SHANK2: variants seen among roughly 807,000 people sequenced by gnomAD.
The protein encoded by SHANK2 is SH3 and multiple ankyrin repeat domains 2, also known as SH3 and multiple ankyrin repeat domains protein 2.
Under a neutral mutation model 133.7 loss-of-function variants are expected in SHANK2, and 43 were observed. That is an observed-to-expected ratio of 0.32 (90% confidence interval 0.25 to 0.41). The LOEUF (loss-of-function observed/expected upper bound fraction) is 0.41. Among genes scored for constraint, SHANK2 ranks in the 10% least tolerant of loss-of-function variants. The pLI, the probability that SHANK2 is intolerant of heterozygous loss-of-function variation, is 1.00. For missense variants in SHANK2, 1,994 were observed against 2,235.8 expected (o/e 0.89, Z 2.18); for synonymous variants, 1,017 against 952.8 (o/e 1.07, Z -1.24).
Position 71,119,023 on chromosome 11 carries a change from G to GA in SHANK2, c.216dup (p.Arg73SerfsTer3), listed in dbSNP as rs1952034445. ...CACACTGTGGCATCCGGGTTAAATCGAATGCATTTCTGCCAGGAAGGACAA... is the reference window on the plus strand; with the variant it reads ...CACACTGTGGCATCCGGGTTAAATCGAAATGCATTTCTGCCAGGAAGGACAA... On this transcript the variant is annotated frameshift_variant, in exon 4 of 26. Transcript: ENST00000601538. LOFTEE classifies it high-confidence loss of function. 1 of 1,551,508 alleles carries GA rather than the reference G, an allele frequency of 6.4e-7. No individual in the cohort carries two copies. The highest frequency in any genetic ancestry group is 1.4e-5 in the African/African-American group (1 of 73,056).
In SHANK2 at chr11:70,709,209, TCAAAACAAAA is replaced by T. The variant is rs560025660; in HGVS notation, c.1778-10456_1778-10447del. ...CTGGGTGGCAGAGTGAGAACCTGTC[TCAAAACAAAA>T]CAAAACAAAACATACTAAGAATTCC... On this transcript the variant is annotated intron_variant, in intron 14 of 25. Transcript: ENST00000601538. Among the ~76,000 whole-genome samples, 13 of 152,136 alleles carry T rather than the reference TCAAAACAAAA, an allele frequency of 8.5e-5. No individual in the cohort carries two copies. The East Asian group carries it at 2.5e-3, about 29-fold the overall frequency.
Position 70,485,562 on chromosome 11 carries a change from G to C in SHANK2, c.4731C>G (p.Ile1577Met), listed in dbSNP as rs782112612. 6.2e-7 allele frequency: 1 copy of C among 1,613,280 alleles called. No homozygotes were observed. Among genetic ancestry groups the C allele is most frequent in the East Asian group, 2.2e-5 (1 of 44,878 alleles). Reference sequence around the variant, plus strand: ...GCGGGGGCGGGGGAGCGGGCGGGGGGATAACAAAGCTATCTACATCTTCTT... The same window carrying C: ...GCGGGGGCGGGGGAGCGGGCGGGGGCATAACAAAGCTATCTACATCTTCTT... ...LVEEDVDSFV[I>M]PPPAPPPPPG... The change falls in exon 25 of 26, where the codon ATC (isoleucine) becomes ATG (methionine). Residue 1577 changes from isoleucine (I) to methionine (M), a missense_variant. This residue lies in a region of SHANK2 where 797 missense variants were observed against 907.4 expected (regional missense o/e 0.88). Coordinates refer to ENST00000601538, the MANE Select transcript of SHANK2 (RefSeq NM_012309.5). This position sits in a 1 kb window ranked among gnomAD's most constrained non-coding sequence, Gnocchi z 5.8.
intron 17 of SHANK2, among the ~76,000 whole-genome samples, chr11:70,515,648 A>AAC (rs1335250059): frequency 1.3e-5 from 2 of 150,658 alleles, no homozygotes; most frequent in African/African-American, 2.4e-5. Context: ...AAAAAAAAAA[A>AAC]AAAAAAAAAA....
chr11:70,933,611 T>C (rs1018488838), intron 10 of SHANK2, among the ~76,000 whole-genome samples: 1 of 152,220 alleles, frequency 6.6e-6, no homozygotes, highest in Admixed American at 6.5e-5. Context: ...TATGTATTTA[T>C]TGTAATTTTT....
At chr11:70,685,152 G>A (rs1945116861) in intron 15 of SHANK2, among the ~76,000 whole-genome samples, 1 of 151,830 alleles carries the variant, frequency 6.6e-6, no homozygotes. Context: ...GAGGCTTGGC[G>A]AAAAAACCCC....
At chr11:70,682,355 C>T (rs1018763672) in intron 15 of SHANK2, among the ~76,000 whole-genome samples, 20 of 152,284 alleles carry the variant, frequency 1.3e-4, no homozygotes, top group Admixed American at 4.6e-4. Context: ...TGGCGGAGCC[C>T]GCTGTGCCCC....
intron 17 of SHANK2, among the ~76,000 whole-genome samples, chr11:70,504,344 C>A (rs929146686): frequency 6.6e-6 from 1 of 150,494 alleles, no homozygotes; most frequent in African/African-American, 2.5e-5. Flanking sequence ...TGTTGACAGG[C>A]CCAGTGCCTG....
chr11:70,602,074 T>C (rs904576272), intron 17 of SHANK2, among the ~76,000 whole-genome samples: 1 of 152,200 alleles, frequency 6.6e-6, no homozygotes, highest in African/African-American at 2.4e-5. Context: ...CTTGCAATAG[T>C]GAGTGAGTTC....
intron 3 of SHANK2, among the ~76,000 whole-genome samples, chr11:71,139,764 G>A (rs1160664673): frequency 6.6e-6 from 1 of 152,202 alleles, no homozygotes; most frequent in East Asian, 1.9e-4. Flanking sequence ...CGTGGCCCGG[G>A]AAGCCCACCC....
intron 11 of SHANK2, among the ~76,000 whole-genome samples, chr11:70,859,980 C>T (rs1361431669): frequency 2.6e-5 from 4 of 152,168 alleles, no homozygotes; most frequent in African/African-American, 9.7e-5. Flanking sequence ...TGGCAACAAC[C>T]CCACAGCGCC....
chr11:70,660,995 G>A (rs375001305), intron 16 of SHANK2, among the ~76,000 whole-genome samples: 2 of 152,238 alleles, frequency 1.3e-5, no homozygotes, highest in Admixed American at 6.5e-5. Context: ...CAGGTGCACC[G>A]CCATGGACTG....
intron 14 of SHANK2, among the ~76,000 whole-genome samples, chr11:70,775,914 C>T (rs1366580158): frequency 6.6e-6 from 1 of 152,250 alleles, no homozygotes; most frequent in Non-Finnish European, 1.5e-5. Flanking sequence ...ACAACATCTT[C>T]ATTCAATAAC....
chr11:70,513,101 A>G (rs1200070342), intron 17 of SHANK2, among the ~76,000 whole-genome samples: 1 of 152,132 alleles, frequency 6.6e-6, no homozygotes, highest in Non-Finnish European at 1.5e-5. Context: ...TTTAGATGAG[A>G]GTTGAAAATT....
intron 15 of SHANK2, among the ~76,000 whole-genome samples, chr11:70,677,742 T>C (rs1944930178): frequency 6.6e-6 from 1 of 151,700 alleles, no homozygotes; most frequent in South Asian, 2.1e-4. Context: ...GAAGCCAGGC[T>C]CCCCCTGAGC....
chr11:71,224,957 C>A (rs1267827501), intron 1 of SHANK2, among the ~76,000 whole-genome samples, 161 bp from the exon 2 acceptor site: 2 of 152,166 alleles, frequency 1.3e-5, no homozygotes, highest in African/African-American at 4.8e-5. Context: ...ATTCCTCACA[C>A]AAAGCACAAC....
In SHANK2 at chr11:70,867,413, C is replaced by T. The variant is rs560792955; in HGVS notation, c.1174+29088G>A. 5.3e-4 allele frequency among the ~76,000 whole-genome samples: 81 copies of T among 152,250 alleles called. 1 individual carries two copies. Among genetic ancestry groups the T allele is most frequent in the South Asian group, 4.1e-3 (20 of 4,822 alleles). On this transcript the variant is annotated intron_variant, in intron 11 of 25. Coordinates refer to ENST00000601538, the MANE Select transcript of SHANK2 (RefSeq NM_012309.5). Reference sequence around the variant, plus strand: ...AGGCCAGGACTCCACCAACGGAGGACGAGAGGCAAGAGCCGCTGTTAACAG... The same window carrying T: ...AGGCCAGGACTCCACCAACGGAGGATGAGAGGCAAGAGCCGCTGTTAACAG...
intron 11 of SHANK2, among the ~76,000 whole-genome samples, chr11:70,850,307 C>G (rs368251820): frequency 1.3e-5 from 2 of 152,196 alleles, no homozygotes; most frequent in African/African-American, 4.8e-5. Context: ...CTAGAGATGT[C>G]TGTCTCCAAG....
At chr11:71,184,228 G>A (rs560493804) in intron 2 of SHANK2, among the ~76,000 whole-genome samples, 32 of 152,236 alleles carry the variant, frequency 2.1e-4, no homozygotes, top group African/African-American at 7.2e-4. Flanking sequence ...TGATTTTCAG[G>A]CTTGATATTC....
At chr11:70,501,636 G>A (rs1354087745) in intron 20 of SHANK2, among the ~76,000 whole-genome samples, 5 of 152,210 alleles carry the variant, frequency 3.3e-5, no homozygotes, top group East Asian at 1.9e-4. Context: ...GCTGCTAGTC[G>A]CCCTTCCCCT....
Sources: gnomAD v4.1 joint callset for allele counts (sites outside exome capture counted in the v4.1 genomes callset) on GRCh38, gnomAD v4.1.1 for gene constraint, gnomAD v4.1.1 regional missense constraint, Gnocchi (gnomAD v3.1) non-coding constraint, MANE v1.5 for transcripts, NCBI Gene and HGNC (gene_info 2026-07-23, HGNC 2026-07-21) for gene names.